The following FOXP1 variants were observed in gnomAD, a reference collection of about 807,000 sequenced individuals.
The protein encoded by FOXP1 is forkhead box P1.
Under a neutral mutation model 98.2 loss-of-function variants are expected in FOXP1, and 15 were observed. The observed-to-expected ratio is 0.15, with a 90% CI of 0.10 to 0.24. FOXP1 has a LOEUF of 0.24. FOXP1 is among the 10% of genes least tolerant of loss of function. The pLI is 1.00. For synonymous variants in FOXP1, 371 were observed against 314.5 expected, an observed-to-expected ratio of 1.18 and a Z score of -1.90; for missense variants, 633 against 848.5, an observed-to-expected ratio of 0.75 and a Z score of 3.15.
intron 13 of FOXP1, among the ~76,000 whole-genome samples, chr3:70,991,156 A>C (rs1197256137): frequency 6.6e-6 from 1 of 151,004 alleles, no homozygotes; most frequent in Non-Finnish European, 1.5e-5. Context: ...GGTTCAATGG[A>C]GTTTGCAGTT....
At chr3:71,194,842 CATT>C (rs2063206403) in intron 6 of FOXP1, among the ~76,000 whole-genome samples, 1 of 152,118 alleles carries the variant, frequency 6.6e-6, no homozygotes, top group South Asian at 2.1e-4. Context: ...AGAGTTGAAA[CATT>C]ACAGAGATAA....
chr3:71,368,609 G>GT (rs11401569), intron 3 of FOXP1, among the ~76,000 whole-genome samples: 117,171 of 152,160 alleles, frequency 0.77, 45,241 homozygotes, highest in East Asian at 0.89. Context: ...GTAATCAATT[G>GT]TTGGGACTGT....
rs142956636 is a variant in FOXP1, at chr3:70,956,732, G to GTTTTTTTTTTTTTTTTTT, written c.*2497_*2514dup. On this transcript the variant is annotated 3_prime_UTR_variant, in exon 21 of 21. Transcript: ENST00000649528. ...GCACATCATGAAGCTGCCTGGAAAA[G>GTTTTTTTTTTTTTTTTTT]TTTTTTTTTTTTTTTTTTTTTTTTT... The GTTTTTTTTTTTTTTTTTT allele has an allele frequency of 9.2e-5, 3 of 32,686 alleles. No individual in the cohort carries two copies. The highest frequency in any genetic ancestry group is 1.8e-4 in the Non-Finnish European group (3 of 16,394). 2.0% of individuals were successfully genotyped at this position (32,686 alleles called of 1,614,324 possible).
At chr3:71,100,685 G>A (rs775133659) in intron 7 of FOXP1, among the ~76,000 whole-genome samples, 11 of 152,318 alleles carry the variant, frequency 7.2e-5, no homozygotes, top group Non-Finnish European at 1.2e-4. Context: ...AGGCAACACA[G>A]TACACAGTAT....
At position 71,414,440 on chromosome 3, in the gene FOXP1, C is replaced by T. The variant is rs546391357; in HGVS notation, c.-167-55196G>A. The stretch of plus-strand genomic sequence containing the variant: ...GTCACAGATGCACTGCCCAGACCTG[C>T]GGCACCATCCACACCCACACAGCAG... On this transcript the variant is annotated intron_variant, in intron 3 of 20. Transcript: ENST00000649528. Among the ~76,000 whole-genome samples the T allele has an allele frequency of 1.8e-4, 27 of 152,294 alleles. 1 individual carries two copies. The East Asian group carries it at 4.8e-3, about 27-fold the overall frequency.
intron 6 of FOXP1, among the ~76,000 whole-genome samples, chr3:71,158,040 A>T (rs192108048): frequency 3.7e-4 from 54 of 145,416 alleles, no homozygotes; most frequent in Non-Finnish European, 7.1e-4. Context: ...GTGAGCCAAG[A>T]TTGCACCACT....
At chr3:71,167,817 A>C (rs1236148698) in intron 6 of FOXP1, among the ~76,000 whole-genome samples, 2 of 152,218 alleles carry the variant, frequency 1.3e-5, no homozygotes, top group Non-Finnish European at 2.9e-5. Flanking sequence ...TGCAGAGAGA[A>C]ACTGAAAAAT....
At chr3:70,980,015 G>GCAAGCT (rs2038539519) in intron 14 of FOXP1, among the ~76,000 whole-genome samples, 1 of 152,212 alleles carries the variant, frequency 6.6e-6, no homozygotes, top group African/African-American at 2.4e-5. Context: ...CCTGCGAAGA[G>GCAAGCT]CAAGCTCTGG....
upstream of FOXP1, chr3:71,583,942 G>A (rs1467539525): frequency 4.1e-6 from 4 of 983,928 alleles, no homozygotes; most frequent in African/African-American, 3.5e-5. Context: ...CCCCGAGCGG[G>A]AGCGGCTCCC....
intron 14 of FOXP1, among the ~76,000 whole-genome samples, chr3:70,985,213 A>G (rs1218422308): frequency 2.6e-5 from 4 of 152,200 alleles, no homozygotes; most frequent in Non-Finnish European, 5.9e-5. Flanking sequence ...GTTTCAAATT[A>G]AAGATTCTAG....
chr3:71,195,836 A>G (rs764871234), intron 6 of FOXP1, among the ~76,000 whole-genome samples: 7 of 152,220 alleles, frequency 4.6e-5, no homozygotes, highest in Non-Finnish European at 1.0e-4. Flanking sequence ...ACCATAGTCC[A>G]TTGTAGAATG....
chr3:71,308,749 A>ATGTGTGTGTG lies in FOXP1; in HGVS notation c.-72-8879_-72-8870dup, dbSNP rs71104439. On this transcript the variant is annotated intron_variant, in intron 4 of 20. Coordinates refer to ENST00000649528, the MANE Select transcript of FOXP1 (RefSeq NM_001349338.3). ...AATTATTATGAAGCATTCTACCACA[A>ATGTGTGTGTG]TGTGTGTGTGTGTGTGTGTGTGTGT... 2.3e-3 allele frequency among the ~76,000 whole-genome samples: 309 copies of ATGTGTGTGTG among 132,278 alleles called. 3 individuals are homozygous for ATGTGTGTGTG. Among genetic ancestry groups the ATGTGTGTGTG allele is most frequent in the East Asian group, 7.6e-3 (30 of 3,936 alleles). The allele number at this position is 132,278 out of a possible 152,430, so 86.8% of individuals were successfully genotyped here. A position where few individuals can be genotyped will look rare whatever the true frequency, so the allele number is the denominator to read the frequency against.
intron 2 of FOXP1, among the ~76,000 whole-genome samples, chr3:71,564,752 G>GCAGACAAT (rs2046785610): frequency 6.6e-6 from 1 of 152,196 alleles, no homozygotes; most frequent in African/African-American, 2.4e-5. Flanking sequence ...CAGTGGACGG[G>GCAGACAAT]CAGACAATCA....
At chr3:70,971,924 G>A in intron 18 of FOXP1, 1 of 1,118,526 alleles carries the variant, frequency 8.9e-7, no homozygotes, top group Non-Finnish European at 1.2e-6. Flanking sequence ...TGCTATTGGT[G>A]AAATGCAAAA....
intron 11 of FOXP1, among the ~76,000 whole-genome samples, chr3:71,027,043 G>A (rs2046220012): frequency 6.6e-6 from 1 of 152,190 alleles, no homozygotes; most frequent in Non-Finnish European, 1.5e-5. Flanking sequence ...TATTAACACT[G>A]GGATCTCGTT....
In FOXP1 at chr3:71,487,099, C is replaced by T. The variant is rs567986004; in HGVS notation, c.-168+6327G>A. On this transcript the variant is annotated intron_variant, in intron 3 of 20. Transcript: ENST00000649528. ...TGCTATGTTAGAGCCTCAGTTGATA[C>T]ACAGGTAAAAAGAGAGCGACATAGA... Among the ~76,000 whole-genome samples, 233 of 151,784 alleles carry T rather than the reference C, an allele frequency of 1.5e-3. 2 individuals are homozygous for T. The highest frequency in any genetic ancestry group is 5.3e-3 in the African/African-American group (218 of 41,336).
chr3:71,016,544 A>G (rs1423105334), intron 11 of FOXP1, among the ~76,000 whole-genome samples: 4 of 152,056 alleles, frequency 2.6e-5, no homozygotes, highest in South Asian at 2.1e-4. Context: ...TAACATTGAG[A>G]GTTCTGTTTC....
chr3:71,164,812 C>A (rs1339443668), intron 6 of FOXP1, among the ~76,000 whole-genome samples: 2 of 152,166 alleles, frequency 1.3e-5, no homozygotes, highest in East Asian at 1.9e-4. Context: ...TTTTATCATA[C>A]AACCAACAGC....
At chr3:71,143,222 A>T (rs964521351) in intron 6 of FOXP1, among the ~76,000 whole-genome samples, 2 of 152,140 alleles carry the variant, frequency 1.3e-5, no homozygotes, top group Non-Finnish European at 2.9e-5. Flanking sequence ...TTTTCTAATT[A>T]TTTTGATTAC....
Sources: allele counts gnomAD v4.1 joint callset (sites outside exome capture counted in the v4.1 genomes callset), GRCh38; gene constraint gnomAD v4.1.1; transcripts MANE v1.5; gene names NCBI Gene and HGNC (gene_info 2026-07-23, HGNC 2026-07-21).